Variants in NAALADL2 observed in about 807,000 individuals in gnomAD.
NAALADL2 encodes N-acetylated alpha-linked acidic dipeptidase like 2.
NAALADL2 carries 76 observed loss-of-function variants against 87.2 expected under a neutral mutation model. The ratio of observed to expected loss-of-function variants is 0.87; its 90% CI spans 0.72 to 1.05. The LOEUF is 1.05. NAALADL2 is among the 50% of genes least tolerant of loss of function. NAALADL2 has a pLI of 0.00. For missense variants in NAALADL2, 1,089 were observed against 945.8 expected (o/e 1.15, Z -1.99); for synonymous variants, 354 against 331.0 (o/e 1.07, Z -0.75).
chr3:175,150,270 A>G (rs1445645392), intron 2 of NAALADL2, among the ~76,000 whole-genome samples: 1 of 152,168 alleles, frequency 6.6e-6, no homozygotes, highest in African/African-American at 2.4e-5. Context: ...CTAGCCTATT[A>G]CAAATAAAAT....
Position 174,923,712 on chromosome 3 carries a change from A to G in NAALADL2, c.43+64262A>G, listed in dbSNP as rs1320121392. Among the ~76,000 whole-genome samples the G allele has an allele frequency of 2.0e-5, 3 of 152,158 alleles. No homozygotes were observed. In the East Asian group the frequency reaches 5.8e-4, roughly 29 times the overall value. ...TCAGGTAAAGAGAGAACATTATTTA[A>G]AGTGGTGTTTCTATTTTTCCTTTAT... On this transcript the variant is annotated intron_variant, in intron 1 of 13. Coordinates refer to ENST00000454872, the MANE Select transcript of NAALADL2 (RefSeq NM_207015.3).
intron 4 of NAALADL2, among the ~76,000 whole-genome samples, chr3:175,300,376 CT>C (rs1246111070): frequency 2.0e-5 from 3 of 152,154 alleles, no homozygotes; most frequent in African/African-American, 7.2e-5. Flanking sequence ...ACCAGCTCCT[CT>C]TTGTACCTCT....
chr3:174,853,033 T>C (rs939701964), intron 3 of NAALADL2, among the ~76,000 whole-genome samples: 1 of 151,448 alleles, frequency 6.6e-6, no homozygotes, highest in African/African-American at 2.4e-5. Flanking sequence ...TAGACTCATA[T>C]CTCTCATCAT....
chr3:175,533,958 G>A (rs1411834624), intron 9 of NAALADL2, among the ~76,000 whole-genome samples: 1 of 151,480 alleles, frequency 6.6e-6, no homozygotes, highest in Non-Finnish European at 1.5e-5. Flanking sequence ...ATGGTCAAAG[G>A]TATTATGTAT....
chr3:174,473,361 T>A (rs1717023564), intron 1 of NAALADL2, among the ~76,000 whole-genome samples: 1 of 152,172 alleles, frequency 6.6e-6, no homozygotes, highest in African/African-American at 2.4e-5. Flanking sequence ...ATCGTGTATC[T>A]CCATACTCAC....
chr3:174,451,602 T>G (rs1021794160), intron 1 of NAALADL2, among the ~76,000 whole-genome samples: 25 of 152,194 alleles, frequency 1.6e-4, no homozygotes, highest in African/African-American at 5.8e-4. Context: ...AATTACTGTT[T>G]GGTTAAAAAA....
At chr3:175,742,768 G>A (rs956130272) in intron 12 of NAALADL2, among the ~76,000 whole-genome samples, 1 of 152,090 alleles carries the variant, frequency 6.6e-6, no homozygotes, top group African/African-American at 2.4e-5. Flanking sequence ...GGAAATGTAT[G>A]TATTTTTATG....
intron 2 of NAALADL2, among the ~76,000 whole-genome samples, chr3:174,674,517 T>G (rs1170281619): frequency 6.6e-6 from 1 of 152,066 alleles, no homozygotes; most frequent in Non-Finnish European, 1.5e-5. Context: ...TCCTTTTTTT[T>G]TTCCACCTAT....
chr3:175,008,287 G>A (rs1280042777), intron 1 of NAALADL2, among the ~76,000 whole-genome samples: 2 of 152,240 alleles, frequency 1.3e-5, no homozygotes, highest in African/African-American at 4.8e-5. Context: ...GGGAGGCTAA[G>A]GCAGGATTGC....
rs1172771079 is a variant in NAALADL2, at chr3:174,539,919, G to T, written c.-183-10650G>T. Among the ~76,000 whole-genome samples the T allele has an allele frequency of 3.7e-5, 5 of 135,188 alleles. No homozygotes were observed. In the East Asian group the frequency reaches 1.0e-3, roughly 28 times the overall value. The allele number at this position is 135,188 out of a possible 152,430, so 88.7% of individuals were successfully genotyped here. On this transcript the variant is annotated intron_variant, in intron 1 of 3. Coordinates refer to the NAALADL2 transcript ENST00000434257. ...GTCAACCTCAGAGTTACTGATGATTGCCCTGTTGTCCACAGGGTAATTGTA... is the reference window on the plus strand; with the variant it reads ...GTCAACCTCAGAGTTACTGATGATTTCCCTGTTGTCCACAGGGTAATTGTA...
intron 2 of NAALADL2, among the ~76,000 whole-genome samples, chr3:174,595,834 A>G (rs1717841124): frequency 6.6e-6 from 1 of 151,978 alleles, no homozygotes; most frequent in South Asian, 2.1e-4. Flanking sequence ...AACATGCAGA[A>G]ACCCCGTTTC....
chr3:175,185,895 T>G (rs1737260610), intron 2 of NAALADL2, among the ~76,000 whole-genome samples: 1 of 151,932 alleles, frequency 6.6e-6, no homozygotes, highest in African/African-American at 2.4e-5. Flanking sequence ...CTTTCATCAT[T>G]CTTTTAAAAT....
intron 3 of NAALADL2, among the ~76,000 whole-genome samples, chr3:175,248,538 C>G (rs1748433824): frequency 6.6e-6 from 1 of 152,136 alleles, no homozygotes; most frequent in African/African-American, 2.4e-5. Flanking sequence ...ATCTCTCTCT[C>G]TCTCTCCATT....
At chr3:175,342,031 G>A (rs1762616289) in intron 5 of NAALADL2, among the ~76,000 whole-genome samples, 1 of 152,060 alleles carries the variant, frequency 6.6e-6, no homozygotes, top group Non-Finnish European at 1.5e-5. Context: ...TGATCTATAT[G>A]TCTGTCCTTA....
intron 5 of NAALADL2, among the ~76,000 whole-genome samples, chr3:175,435,279 A>C (rs956653681): frequency 5.3e-5 from 8 of 152,132 alleles, no homozygotes; most frequent in African/African-American, 1.9e-4. Context: ...ATCCACTTGA[A>C]AATACAGGAT....
intron 1 of NAALADL2, among the ~76,000 whole-genome samples, chr3:174,446,398 G>A (rs1715053269): frequency 6.6e-6 from 1 of 151,800 alleles, no homozygotes; most frequent in Non-Finnish European, 1.5e-5. Context: ...TTACAATCTT[G>A]GTATATAAAA....
At chr3:174,465,835 C>G (rs1343903839) in intron 1 of NAALADL2, among the ~76,000 whole-genome samples, 1 of 151,824 alleles carries the variant, frequency 6.6e-6, no homozygotes, top group South Asian at 2.1e-4. Flanking sequence ...AAAAAAGTTT[C>G]TAATACCTCC....
intron 10 of NAALADL2, among the ~76,000 whole-genome samples, chr3:175,598,436 T>G (rs1460598144): frequency 6.6e-6 from 1 of 151,908 alleles, no homozygotes; most frequent in Non-Finnish European, 1.5e-5. Flanking sequence ...TCCATTTTCT[T>G]AATGTTAATA....
chr3:175,632,750 T>C (rs1203683896), intron 11 of NAALADL2, among the ~76,000 whole-genome samples: 3 of 152,070 alleles, frequency 2.0e-5, no homozygotes, highest in Non-Finnish European at 4.4e-5. Context: ...TATATGGAGT[T>C]CTGTAGTGCT....
Sources: allele counts gnomAD v4.1 joint callset (sites outside exome capture counted in the v4.1 genomes callset), GRCh38; gene constraint gnomAD v4.1.1; transcripts MANE v1.5; gene names NCBI Gene and HGNC (gene_info 2026-07-23, HGNC 2026-07-21).